The following NRG1 variants were observed in gnomAD, a reference collection of about 807,000 sequenced individuals.
NRG1 encodes the protein neuregulin 1, also known as pro-neuregulin-1, membrane-bound isoform.
Under a neutral mutation model 63.8 loss-of-function variants are expected in NRG1, and 18 were observed. The observed-to-expected ratio is 0.28, with a 90% CI of 0.19 to 0.42. The LOEUF (loss-of-function observed/expected upper bound fraction) is 0.42, where lower values mean the gene tolerates loss of function less well. NRG1 is among the 10% of genes least tolerant of loss of function. The pLI is 1.00. For missense variants in NRG1, 762 were observed against 814.7 expected (o/e 0.94, Z 0.79); for synonymous variants, 302 against 301.3 (o/e 1.00, Z -0.02).
intron 1 of NRG1, among the ~76,000 whole-genome samples, chr8:31,841,212 G>A (rs1462084506): frequency 6.6e-6 from 1 of 151,558 alleles, no homozygotes; most frequent in African/African-American, 2.4e-5. Flanking sequence ...AAGATGAGTG[G>A]CCTATTTGTC....
At chr8:32,550,336 C>A (rs889966802) in intron 1 of NRG1, among the ~76,000 whole-genome samples, 1 of 152,144 alleles carries the variant, frequency 6.6e-6, no homozygotes, top group East Asian at 1.9e-4. Flanking sequence ...TTAGTTACCT[C>A]CCTGCGTGAC....
At chr8:31,700,087 T>C (rs962396516) in intron 1 of NRG1, among the ~76,000 whole-genome samples, 1 of 152,298 alleles carries the variant, frequency 6.6e-6, no homozygotes, top group Middle Eastern at 3.4e-3. Context: ...TCTCCTGATA[T>C]TTATACACAG....
rs868655329 is a variant in NRG1, at chr8:31,853,315, T to G, written c.37+213884T>G. Among the ~76,000 whole-genome samples the G allele has an allele frequency of 1.5e-3, 229 of 151,264 alleles. 2 individuals carry two copies. The highest frequency in any genetic ancestry group is 0.013 in the South Asian group (63 of 4,756). On this transcript the variant is annotated intron_variant, in intron 1 of 10. Coordinates refer to the NRG1 transcript ENST00000519301. Reference sequence around the variant, plus strand: ...GCAGTGGTTTGTAGTTCTCCTTGAATAGGTCCTTCACATCCCTTGTAAGTT... The same window carrying G: ...GCAGTGGTTTGTAGTTCTCCTTGAAGAGGTCCTTCACATCCCTTGTAAGTT...
intron 1 of NRG1, among the ~76,000 whole-genome samples, chr8:31,764,876 C>T (rs574085879): frequency 6.9e-6 from 1 of 144,160 alleles, no homozygotes; most frequent in Non-Finnish European, 1.5e-5. Context: ...TCTCCCAATG[C>T]TATCCCTCCC....
intron 1 of NRG1, among the ~76,000 whole-genome samples, chr8:31,681,018 AG>A (rs1216487605): frequency 6.6e-6 from 1 of 152,086 alleles, no homozygotes; most frequent in Non-Finnish European, 1.5e-5. Flanking sequence ...TAGAGGACCC[AG>A]GAAGAGACCC....
At chr8:32,711,596 T>C (rs1269243856) in intron 5 of NRG1, among the ~76,000 whole-genome samples, 3 of 152,180 alleles carry the variant, frequency 2.0e-5, no homozygotes, top group Non-Finnish European at 4.4e-5. Flanking sequence ...TGTTACGCTA[T>C]GAATTTGTTG....
chr8:32,285,529 C>A (rs1018136178), intron 1 of NRG1, among the ~76,000 whole-genome samples: 1 of 152,226 alleles, frequency 6.6e-6, no homozygotes, highest in Non-Finnish European at 1.5e-5. Flanking sequence ...ATACACTTCT[C>A]TTGACTCTCA....
intron 1 of NRG1, among the ~76,000 whole-genome samples, chr8:32,328,286 G>A (rs993778425): frequency 3.9e-5 from 6 of 152,136 alleles, no homozygotes; most frequent in Non-Finnish European, 7.3e-5. Flanking sequence ...ATTTTGATCA[G>A]AATGTCACTC....
intron 1 of NRG1, among the ~76,000 whole-genome samples, chr8:32,536,201 C>T (rs1306695691): frequency 6.6e-6 from 1 of 152,116 alleles, no homozygotes; most frequent in Non-Finnish European, 1.5e-5. Flanking sequence ...TTGACCGGGC[C>T]GTCTCCTAAT....
At chr8:31,869,550 G>A (rs1373179170) in intron 1 of NRG1, among the ~76,000 whole-genome samples, 2 of 152,172 alleles carry the variant, frequency 1.3e-5, no homozygotes, top group Admixed American at 6.5e-5. Context: ...GAAAGGCTTT[G>A]TTATCTACTC....
intron 1 of NRG1, among the ~76,000 whole-genome samples, chr8:32,498,634 G>T (rs1827502181): frequency 6.6e-6 from 1 of 152,188 alleles, no homozygotes; most frequent in Non-Finnish European, 1.5e-5. Context: ...GACACATGGG[G>T]ATTATGGGGA....
intron 5 of NRG1, among the ~76,000 whole-genome samples, chr8:32,696,797 A>G (rs974436341): frequency 3.3e-5 from 5 of 151,388 alleles, no homozygotes; most frequent in African/African-American, 1.2e-4. Context: ...AGTAGCTGGG[A>G]TTACAGGCGT....
intron 1 of NRG1, among the ~76,000 whole-genome samples, chr8:32,149,560 A>G (rs946478954): frequency 6.6e-6 from 1 of 152,168 alleles, no homozygotes; most frequent in Non-Finnish European, 1.5e-5. Context: ...ATTTGTGTTT[A>G]TGGGCTTATA....
chr8:32,725,775 A>T (rs1196593819), intron 5 of NRG1, among the ~76,000 whole-genome samples: 1 of 151,934 alleles, frequency 6.6e-6, no homozygotes, highest in East Asian at 1.9e-4. Flanking sequence ...TACCCAGCCC[A>T]TTTCCTGATA....
intron 1 of NRG1, among the ~76,000 whole-genome samples, chr8:32,253,833 T>C (rs1056586959): frequency 6.6e-6 from 1 of 152,052 alleles, no homozygotes; most frequent in Non-Finnish European, 1.5e-5. Context: ...GGCTTTTCGA[T>C]TGGTAGGCTA....
chr8:31,668,459 A>G (rs972149497), intron 1 of NRG1, among the ~76,000 whole-genome samples: 2 of 152,162 alleles, frequency 1.3e-5, no homozygotes, highest in African/African-American at 2.4e-5. Context: ...TTTCCTTTAT[A>G]TTGTGTGTCA....
chr8:32,143,003 T>C (rs1836449861), intron 1 of NRG1, among the ~76,000 whole-genome samples: 1 of 152,218 alleles, frequency 6.6e-6, no homozygotes, highest in Non-Finnish European at 1.5e-5. Flanking sequence ...GTCCTGTTAC[T>C]TCTTTTGTCA....
At chr8:31,770,603 A>G (rs1208844118) in intron 1 of NRG1, among the ~76,000 whole-genome samples, 3 of 129,076 alleles carry the variant, frequency 2.3e-5, no homozygotes, top group African/African-American at 5.7e-5. Flanking sequence ...AACATCACAC[A>G]CCGGGGCCTG....
chr8:31,876,234 T>C (rs1829911226), intron 1 of NRG1, among the ~76,000 whole-genome samples: 1 of 152,226 alleles, frequency 6.6e-6, no homozygotes, highest in Admixed American at 6.5e-5. Flanking sequence ...TTAAGATCAC[T>C]GACCAGCTGT....
Sources: allele counts gnomAD v4.1 joint callset (sites outside exome capture counted in the v4.1 genomes callset), GRCh38; gene constraint gnomAD v4.1.1; transcripts MANE v1.5; gene names NCBI Gene and HGNC (gene_info 2026-07-23, HGNC 2026-07-21).